Variants in MYRIP observed in about 807,000 individuals in gnomAD.
The protein encoded by MYRIP is myosin VIIA and Rab interacting protein.
In MYRIP, 49 loss-of-function variants were observed where a neutral mutation model predicts 98.0. That is an observed-to-expected ratio of 0.50 (90% CI 0.40 to 0.63). The LOEUF (loss-of-function observed/expected upper bound fraction) is 0.63. Ranked by LOEUF, MYRIP falls within the 30% of genes least tolerant of loss-of-function variation. The probability of loss-of-function intolerance (pLI) is 0.00; values close to 1 mark genes in which losing one functional copy is unlikely to be tolerated. For missense variants in MYRIP, 1,004 were observed against 1,058.2 expected (o/e 0.95, Z 0.71); for synonymous variants, 404 against 409.5 (o/e 0.99, Z 0.16).
At chr3:40,077,916 G>T (rs555475213) in intron 3 of MYRIP, among the ~76,000 whole-genome samples, 9 of 152,338 alleles carry the variant, frequency 5.9e-5, no homozygotes, top group Non-Finnish European at 1.0e-4. Flanking sequence ...CGCGCCCTGC[G>T]CCCTGCGCCC....
intron 2 of MYRIP, among the ~76,000 whole-genome samples, chr3:39,913,090 C>A (rs1157306136): frequency 6.6e-6 from 1 of 152,248 alleles, no homozygotes; most frequent in South Asian, 2.1e-4. Flanking sequence ...CTTCAATATT[C>A]CTGTAGATAA....
chr3:40,081,856 C>T (rs1169094584), intron 3 of MYRIP, among the ~76,000 whole-genome samples: 1 of 152,184 alleles, frequency 6.6e-6, no homozygotes, highest in Non-Finnish European at 1.5e-5. Flanking sequence ...CTGCTAACCA[C>T]CATTCTACTC....
At chr3:40,123,260 G>T (rs993133554) in intron 3 of MYRIP, among the ~76,000 whole-genome samples, 6 of 152,174 alleles carry the variant, frequency 3.9e-5, no homozygotes, top group Admixed American at 6.6e-5. Context: ...TGGTCTTAAG[G>T]ATTTTTTTTA....
intron 9 of MYRIP, among the ~76,000 whole-genome samples, chr3:40,185,774 C>T (rs898496350): frequency 1.3e-5 from 2 of 152,120 alleles, no homozygotes; most frequent in Non-Finnish European, 2.9e-5. Context: ...ACCCTAGAGC[C>T]AGCCCTGAGT....
intron 10 of MYRIP, among the ~76,000 whole-genome samples, chr3:40,203,665 ATATATTTT>A (rs1410212393): frequency 2.2e-4 from 28 of 126,046 alleles, no homozygotes; most frequent in South Asian, 4.7e-4. Context: ...ATATATATTT[ATATATTTT>A]TATATTTTTA....
intron 1 of MYRIP, among the ~76,000 whole-genome samples, chr3:39,878,576 A>T (rs987446466): frequency 6.6e-6 from 1 of 151,920 alleles, no homozygotes; most frequent in Non-Finnish European, 1.5e-5. Context: ...ATATACACAG[A>T]GGTGTATATA....
At chr3:40,218,369 G>A (rs928059793) in intron 11 of MYRIP, among the ~76,000 whole-genome samples, 2 of 151,694 alleles carry the variant, frequency 1.3e-5, no homozygotes, top group Non-Finnish European at 2.9e-5. Context: ...AAACTATAAG[G>A]ACAAAACACA....
At chr3:39,833,518 C>T (rs1559490190) in intron 1 of MYRIP, among the ~76,000 whole-genome samples, 1 of 151,980 alleles carries the variant, frequency 6.6e-6, no homozygotes. Flanking sequence ...GAGGTAAACT[C>T]GTTAGGGGTT....
intron 2 of MYRIP, among the ~76,000 whole-genome samples, chr3:40,006,338 G>A (rs1559557997): frequency 1.3e-5 from 2 of 152,210 alleles, no homozygotes; most frequent in East Asian, 1.9e-4. Context: ...GCAGTAAGCC[G>A]AGACTGCGCC....
At chr3:40,026,512 A>C (rs1187789731) in intron 2 of MYRIP, among the ~76,000 whole-genome samples, 1 of 152,186 alleles carries the variant, frequency 6.6e-6, no homozygotes, top group Non-Finnish European at 1.5e-5. Flanking sequence ...AGGATTAAGA[A>C]ATTAAAGTAA....
intron 4 of MYRIP, among the ~76,000 whole-genome samples, chr3:40,159,463 A>G (rs1950326830): frequency 6.6e-6 from 1 of 151,922 alleles, no homozygotes; most frequent in African/African-American, 2.4e-5. Context: ...GAATCTGACA[A>G]TTATGTGTCT....
At chr3:39,877,372 C>A (rs1306283778) in intron 1 of MYRIP, among the ~76,000 whole-genome samples, 1 of 152,112 alleles carries the variant, frequency 6.6e-6, no homozygotes, top group Non-Finnish European at 1.5e-5. Context: ...CAGCTTTGTT[C>A]CATTGCTGGT....
At chr3:39,963,378 C>T (rs926224742) in intron 2 of MYRIP, among the ~76,000 whole-genome samples, 18 of 152,280 alleles carry the variant, frequency 1.2e-4, no homozygotes, top group African/African-American at 3.6e-4. Flanking sequence ...TTAAGCCTAT[C>T]TAATCTCTTT....
At position 40,198,618 on chromosome 3, in the gene MYRIP, T is replaced by G. The variant is rs541048225; in HGVS notation, c.1665+8155T>G. Among the ~76,000 whole-genome samples, 7 of 152,334 alleles carry G rather than the reference T, an allele frequency of 4.6e-5. No individual in the cohort carries two copies. In the East Asian group the frequency reaches 1.3e-3, roughly 29 times the overall value. ...ATGTTTGCCAGATACCATTTTGAAATGGAAACCTGCTGATTTTTTGTTGAT... is the reference window on the plus strand; with the variant it reads ...ATGTTTGCCAGATACCATTTTGAAAGGGAAACCTGCTGATTTTTTGTTGAT... On this transcript the variant is annotated intron_variant, in intron 10 of 16. Coordinates refer to ENST00000302541, the MANE Select transcript of MYRIP (RefSeq NM_015460.4).
rs574895629 is a variant in MYRIP at position 39,996,270 on chromosome 3, G to C, written c.111-47780G>C. On this transcript the variant is annotated intron_variant, in intron 2 of 16. Coordinates refer to ENST00000302541, the MANE Select transcript of MYRIP (RefSeq NM_015460.4). ...ATAAAGAGTCAAGACCCATCTGTGT[G>C]CTGTATTCAGGAAACCCATCTCACA... is the stretch of plus-strand genomic sequence containing the variant. Among the ~76,000 whole-genome samples, 4 of 152,270 alleles carry C rather than the reference G, an allele frequency of 2.6e-5. No homozygotes were observed. The East Asian group carries it at 7.7e-4, about 29-fold the overall frequency.
chr3:40,186,178 T>C (rs1951030100), intron 9 of MYRIP, among the ~76,000 whole-genome samples: 1 of 152,156 alleles, frequency 6.6e-6, no homozygotes, highest in South Asian at 2.1e-4. Context: ...AAGTCAAGTC[T>C]TGAAAGATGG....
chr3:39,898,728 A>G (rs1486709133), intron 1 of MYRIP, among the ~76,000 whole-genome samples: 2 of 152,146 alleles, frequency 1.3e-5, no homozygotes. Flanking sequence ...ATAAATTTAC[A>G]TATACATTTA....
intron 2 of MYRIP, among the ~76,000 whole-genome samples, chr3:39,934,510 CA>C (rs1381813673): frequency 1.3e-5 from 2 of 152,024 alleles, no homozygotes; most frequent in African/African-American, 4.8e-5. Flanking sequence ...CATGGCAGAA[CA>C]GGCAAGAGCA....
intron 2 of MYRIP, among the ~76,000 whole-genome samples, chr3:39,992,134 C>G (rs776848288): frequency 4.1e-4 from 63 of 152,108 alleles, no homozygotes; most frequent in Non-Finnish European, 6.8e-4. Flanking sequence ...ACAATTAACC[C>G]AAGAAATTGG....
Sources: gnomAD v4.1 joint callset for allele counts (sites outside exome capture counted in the v4.1 genomes callset) on GRCh38, gnomAD v4.1.1 for gene constraint, MANE v1.5 for transcripts, NCBI Gene and HGNC (gene_info 2026-07-23, HGNC 2026-07-21) for gene names.